Variants in SLIT3 observed in about 807,000 individuals in gnomAD.
SLIT3 encodes the protein slit guidance ligand 3.
In SLIT3, 68 loss-of-function variants were observed where a neutral mutation model predicts 184.0. The observed-to-expected ratio is 0.37, with a 90% CI of 0.30 to 0.45. SLIT3 has a LOEUF of 0.45. Among genes scored for constraint, SLIT3 ranks in the 20% least tolerant of loss-of-function variants. The pLI is 1.00. For missense variants in SLIT3, 1,707 were observed against 2,026.0 expected (o/e 0.84, Z 3.02); for synonymous variants, 831 against 828.6 (o/e 1.00, Z -0.05).
intron 4 of SLIT3, among the ~76,000 whole-genome samples, chr5:168,919,877 T>C (rs1761581068): frequency 6.6e-6 from 1 of 152,188 alleles, no homozygotes; most frequent in Non-Finnish European, 1.5e-5. Context: ...AGGGAACTTC[T>C]TTGATGCGAG....
intron 27 of SLIT3, among the ~76,000 whole-genome samples, chr5:168,698,005 T>C (rs1762110504): frequency 2.6e-5 from 4 of 152,294 alleles, no homozygotes; most frequent in Admixed American, 2.6e-4. Context: ...CCTGTCTTCA[T>C]TGGAAACCTT....
intron 5 of SLIT3, among the ~76,000 whole-genome samples, chr5:168,860,482 T>C (rs1343055580): frequency 6.6e-6 from 1 of 152,144 alleles, no homozygotes; most frequent in Non-Finnish European, 1.5e-5. Context: ...ATTAATTATG[T>C]TTTTAAATTT....
In SLIT3 at chr5:168,709,101, G is replaced by GTTTT. The variant is rs564920985; in HGVS notation, c.2720-1005_2720-1002dup. 4.1e-3 allele frequency among the ~76,000 whole-genome samples: 524 copies of GTTTT among 126,968 alleles called. 17 individuals carry two copies. In the East Asian group the frequency reaches 0.091, roughly 22 times the overall value. 83.3% of individuals were successfully genotyped at this position (126,968 alleles called of 152,430 possible). On this transcript the variant is annotated intron_variant, in intron 25 of 35. Transcript: ENST00000519560. ...CCAGCTACAGTGTTGTTTTCTGTTT[G>GTTTT]TTTTTTTTTTTTTTTGAGATGGAGT...
chr5:168,671,600 C>T (rs1188770775), intron 33 of SLIT3, 117 bp from the exon 34 acceptor site: 3 of 1,213,768 alleles, frequency 2.5e-6, no homozygotes, highest in African/African-American at 3.0e-5. Context: ...CTCTGCTGTT[C>T]AAACGAGGTT....
chr5:169,006,664 A>C lies in SLIT3; in HGVS notation c.414-123328T>G, dbSNP rs529968950. Among the ~76,000 whole-genome samples the C allele has an allele frequency of 6.3e-4, 96 of 151,264 alleles. 2 individuals carry two copies. Among genetic ancestry groups the C allele is most frequent in the Non-Finnish European group, 5.3e-4 (36 of 67,870 alleles). ...AAGCACAAAGAGCTGACAACAACCT[A>C]GTGTTTACTATTAGAAACAGGATTT... On this transcript the variant is annotated intron_variant, in intron 4 of 35. Coordinates refer to ENST00000519560, the MANE Select transcript of SLIT3 (RefSeq NM_003062.4).
chr5:169,283,554 C>T (rs1246852987), intron 1 of SLIT3, among the ~76,000 whole-genome samples: 1 of 152,070 alleles, frequency 6.6e-6, no homozygotes. Flanking sequence ...AAGATGACAT[C>T]CCAATAATGA....
intron 12 of SLIT3, among the ~76,000 whole-genome samples, chr5:168,783,372 A>T (rs935772571): frequency 6.6e-6 from 1 of 151,914 alleles, no homozygotes; most frequent in Non-Finnish European, 1.5e-5. Flanking sequence ...CTGGCTGTGT[A>T]CATACTGGAC....
intron 4 of SLIT3, among the ~76,000 whole-genome samples, chr5:168,903,878 T>G (rs1760955596): frequency 6.6e-6 from 1 of 152,172 alleles, no homozygotes; most frequent in South Asian, 2.1e-4. Flanking sequence ...CATAAAACCT[T>G]GATGTACAGA....
At chr5:168,943,090 G>A (rs1762374732) in intron 4 of SLIT3, among the ~76,000 whole-genome samples, 1 of 152,130 alleles carries the variant, frequency 6.6e-6, no homozygotes, top group Non-Finnish European at 1.5e-5. Context: ...AAGATTGATT[G>A]GTAATTTACA....
chr5:169,227,516 C>T (rs777479709), intron 3 of SLIT3, among the ~76,000 whole-genome samples: 3 of 152,224 alleles, frequency 2.0e-5, no homozygotes, highest in Admixed American at 6.5e-5. Context: ...CAACCTCCCC[C>T]TCCTGGGCTC....
chr5:168,912,539 T>C (rs775396697), intron 4 of SLIT3, among the ~76,000 whole-genome samples: 2 of 152,140 alleles, frequency 1.3e-5, no homozygotes, highest in African/African-American at 4.8e-5. Context: ...AGTCAAGAAT[T>C]GGAACTAGAC....
chr5:168,795,409 G>C (rs1468176057), intron 10 of SLIT3, 98 bp downstream of exon 10: 7 of 883,720 alleles, frequency 7.9e-6, no homozygotes, highest in Non-Finnish European at 1.2e-5. Flanking sequence ...AGGAGGAATG[G>C]ACATGGTCCG....
At chr5:169,047,835 C>G (rs148777296) in intron 4 of SLIT3, among the ~76,000 whole-genome samples, 1 of 152,096 alleles carries the variant, frequency 6.6e-6, no homozygotes, top group African/African-American at 2.4e-5. Context: ...GGGTCCTTAG[C>G]CCGTTTTCCT....
chr5:168,920,639 T>G (rs1761606286), intron 4 of SLIT3, among the ~76,000 whole-genome samples: 1 of 152,224 alleles, frequency 6.6e-6, no homozygotes, highest in African/African-American at 2.4e-5. Context: ...GCTTCTGCCC[T>G]GGTTCCAGAA....
intron 4 of SLIT3, among the ~76,000 whole-genome samples, chr5:169,181,078 T>C (rs1441575554): frequency 6.6e-6 from 1 of 152,226 alleles, no homozygotes; most frequent in Admixed American, 6.5e-5. Flanking sequence ...ACACCAATTA[T>C]GAGCCAAGAA....
intron 4 of SLIT3, among the ~76,000 whole-genome samples, chr5:169,117,307 G>T (rs931756627): frequency 6.6e-6 from 1 of 152,188 alleles, no homozygotes; most frequent in African/African-American, 2.4e-5. Flanking sequence ...AGCTGGAAGA[G>T]CCAAACTGGA....
chr5:169,162,337 G>C (rs149574591), intron 4 of SLIT3, among the ~76,000 whole-genome samples: 3 of 152,332 alleles, frequency 2.0e-5, no homozygotes, highest in Admixed American at 1.3e-4. Flanking sequence ...AGACTGGGAT[G>C]CACAGAGTTT....
intron 4 of SLIT3, among the ~76,000 whole-genome samples, chr5:169,085,617 A>T (rs541025804): frequency 1.3e-5 from 2 of 152,284 alleles, no homozygotes; most frequent in African/African-American, 4.8e-5. Context: ...AATAAGAAGG[A>T]GGTTACCGCT....
At chr5:169,219,286 A>G (rs565269473) in intron 3 of SLIT3, among the ~76,000 whole-genome samples, 1 of 152,334 alleles carries the variant, frequency 6.6e-6, no homozygotes, top group East Asian at 1.9e-4. Context: ...GCAACTCCTA[A>G]CCTTCCTCGA....
Sources: gnomAD v4.1 joint callset for allele counts (sites outside exome capture counted in the v4.1 genomes callset) on GRCh38, gnomAD v4.1.1 for gene constraint, MANE v1.5 for transcripts, NCBI Gene and HGNC (gene_info 2026-07-23, HGNC 2026-07-21) for gene names.